The following MAN2A1 variants were observed in gnomAD, a reference collection of about 807,000 sequenced individuals.
The protein encoded by MAN2A1 is alpha-mannosidase 2.
In MAN2A1, 76 loss-of-function variants were observed where a neutral mutation model predicts 142.6. The ratio of observed to expected loss-of-function variants is 0.53; its 90% confidence interval spans 0.44 to 0.65. The LOEUF (loss-of-function observed/expected upper bound fraction) is 0.65, where lower values mean the gene tolerates loss of function less well. Ranked by LOEUF, MAN2A1 falls within the 30% of genes least tolerant of loss-of-function variation. The pLI is 0.00. For synonymous variants in MAN2A1, 559 were observed against 473.2 expected, an observed-to-expected ratio of 1.18 and a Z score of -2.35; for missense variants, 1,311 against 1,365.1, an observed-to-expected ratio of 0.96 and a Z score of 0.62.
intron 1 of MAN2A1, among the ~76,000 whole-genome samples, chr5:109,711,521 T>G (rs1261847056): frequency 6.6e-6 from 1 of 152,230 alleles, no homozygotes; most frequent in Non-Finnish European, 1.5e-5. Flanking sequence ...CCTTTCGTCT[T>G]TTCATGGAGA....
intron 12 of MAN2A1, among the ~76,000 whole-genome samples, chr5:109,794,872 T>A (rs897017742): frequency 5.3e-5 from 8 of 152,292 alleles, no homozygotes; most frequent in African/African-American, 1.9e-4. Flanking sequence ...CTCTGTTATG[T>A]GTTAACTCTG....
intron 12 of MAN2A1, among the ~76,000 whole-genome samples, chr5:109,802,285 G>A (rs1401823119): frequency 6.6e-6 from 1 of 152,092 alleles, no homozygotes; most frequent in Non-Finnish European, 1.5e-5. Context: ...TTTTAGGAAA[G>A]TACTGTGCAT....
intron 1 of MAN2A1, among the ~76,000 whole-genome samples, chr5:109,706,648 C>G (rs1314720127): frequency 6.6e-6 from 1 of 152,018 alleles, no homozygotes; most frequent in Non-Finnish European, 1.5e-5. Flanking sequence ...TAAAGGTAAT[C>G]TTTGCTCTTA....
At chr5:109,813,660 C>T (rs982606596) in intron 12 of MAN2A1, among the ~76,000 whole-genome samples, 2 of 152,204 alleles carry the variant, frequency 1.3e-5, no homozygotes, top group Admixed American at 6.5e-5. Context: ...TGTGTGCTCC[C>T]AGTCTGTTGT....
At chr5:109,711,482 G>A (rs1320360715) in intron 1 of MAN2A1, among the ~76,000 whole-genome samples, 7 of 152,160 alleles carry the variant, frequency 4.6e-5, no homozygotes, top group Admixed American at 3.9e-4. Context: ...GCTTCTTTGG[G>A]TTGAACTTTG....
chr5:109,714,006 C>T (rs1409620053), intron 2 of MAN2A1, among the ~76,000 whole-genome samples: 2 of 151,964 alleles, frequency 1.3e-5, no homozygotes, highest in Non-Finnish European at 2.9e-5. Flanking sequence ...TACGTGAATA[C>T]AGTCTTTTTG....
chr5:109,821,834 G>A (rs988903502), intron 15 of MAN2A1, among the ~76,000 whole-genome samples: 1 of 151,726 alleles, frequency 6.6e-6, no homozygotes, highest in Non-Finnish European at 1.5e-5. Context: ...TTTTCTTATT[G>A]TGTCATTTAG....
rs111683520 is a variant in MAN2A1 at position 109,781,862 on chromosome 5, G to A, written c.1577+264G>A. On this transcript the variant is annotated intron_variant, in intron 9 of 21. Transcript: ENST00000261483. Reference sequence around the variant, plus strand: ...TTTAAGGAGTTGTATTCTACATTTTGTATTTTTCTAATTAATTTACCTGTG... The same window carrying A: ...TTTAAGGAGTTGTATTCTACATTTTATATTTTTCTAATTAATTTACCTGTG... 8.8e-3 allele frequency among the ~76,000 whole-genome samples: 1,342 copies of A among 152,150 alleles called. 21 individuals carry two copies. The highest frequency in any genetic ancestry group is 0.029 in the African/African-American group (1,208 of 41,512).
intron 4 of MAN2A1, among the ~76,000 whole-genome samples, chr5:109,741,935 T>A (rs1752279490): frequency 1.3e-5 from 2 of 152,268 alleles, no homozygotes; most frequent in Non-Finnish European, 2.9e-5. Flanking sequence ...TATTGTTTTC[T>A]ATGCTTGTTT....
Position 109,774,776 on chromosome 5 carries a change from T to C in MAN2A1, c.1197-12T>C. ...CATATTTGCTGTTTTTTTGTGTTTGTTTTTTTTGTAGGGCTCGGATGCTAC... is the reference window on the plus strand; with the variant it reads ...CATATTTGCTGTTTTTTTGTGTTTGCTTTTTTTGTAGGGCTCGGATGCTAC... On this transcript the variant is annotated splice_polypyrimidine_tract_variant and intron_variant, in intron 7 of 21. Coordinates refer to ENST00000261483, the MANE Select transcript of MAN2A1 (RefSeq NM_002372.4). 1.9e-6 allele frequency: 3 copies of C among 1,577,396 alleles called. No individual in the cohort carries two copies. The highest frequency in any genetic ancestry group is 2.6e-6 in the Non-Finnish European group (3 of 1,164,966).
At chr5:109,742,549 A>T (rs546365192) in intron 4 of MAN2A1, among the ~76,000 whole-genome samples, 2 of 152,310 alleles carry the variant, frequency 1.3e-5, no homozygotes, top group South Asian at 4.1e-4. Context: ...TTACATTTTT[A>T]AATAAGAATC....
intron 16 of MAN2A1, among the ~76,000 whole-genome samples, chr5:109,838,059 TAA>T (rs59745040): frequency 4.2e-5 from 6 of 144,330 alleles, no homozygotes; most frequent in African/African-American, 7.6e-5. Context: ...GTAGGGAGAT[TAA>T]AAAAAAAAAA....
rs1751713272 is a variant in MAN2A1, at chr5:109,725,308, C to A, written c.536-4034C>A. Among the ~76,000 whole-genome samples the A allele has an allele frequency of 2.0e-5, 3 of 152,282 alleles. No individual in the cohort carries two copies. The South Asian group carries it at 6.2e-4, about 32-fold the overall frequency. On this transcript the variant is annotated intron_variant, in intron 3 of 21. Coordinates refer to ENST00000261483, the MANE Select transcript of MAN2A1 (RefSeq NM_002372.4). ...TGGTGGTGTGTATGGGGAGAGCCAG[C>A]CTGTGGGGCAGGCCAGCTGCCTTCT...
intron 1 of MAN2A1, among the ~76,000 whole-genome samples, chr5:109,708,483 G>A (rs1299232378): frequency 7.8e-6 from 1 of 128,928 alleles, no homozygotes; most frequent in Non-Finnish European, 1.6e-5. Context: ...TTTATTCAGG[G>A]TTCTCCAGAA....
chr5:109,819,831 A>G lies in MAN2A1; in HGVS notation c.2272A>G (p.Ile758Val), dbSNP rs758644789. 2.2e-5 allele frequency: 35 copies of G among 1,611,376 alleles called. No individual in the cohort carries two copies. The highest frequency in any genetic ancestry group is 2.4e-5 in the Non-Finnish European group (28 of 1,178,758). The change falls in exon 14 of 22, where the codon ATA becomes GTA. Residue 758 changes from isoleucine (I) to valine (V), a missense_variant. This residue lies in a region of MAN2A1 where 890 missense variants were observed against 920.5 expected (regional missense o/e 0.97). Coordinates refer to ENST00000261483, the MANE Select transcript of MAN2A1 (RefSeq NM_002372.4). ...IKNMINTEEGITLENSFVLLR... is the reference protein window; with the variant it reads ...IKNMINTEEGVTLENSFVLLR... Reference sequence around the variant, plus strand: ...GAATATGATAAATACTGAAGAAGGTATAACACTAGAGAACTCCTTTGTTTT... The same window carrying G: ...GAATATGATAAATACTGAAGAAGGTGTAACACTAGAGAACTCCTTTGTTTT...
chr5:109,862,843 T>A (rs1385450526), intron 20 of MAN2A1: 1 of 152,220 alleles, frequency 6.6e-6, no homozygotes, highest in Non-Finnish European at 1.5e-5. Flanking sequence ...TCAGTTCGTT[T>A]TTACAAAAGT....
At chr5:109,702,326 T>A (rs1252109674) in intron 1 of MAN2A1, among the ~76,000 whole-genome samples, 1 of 151,292 alleles carries the variant, frequency 6.6e-6, no homozygotes, top group Non-Finnish European at 1.5e-5. Flanking sequence ...TGTGTGTGTG[T>A]GTGTGTGTGT....
intron 8 of MAN2A1, among the ~76,000 whole-genome samples, chr5:109,779,709 AT>A (rs1294819663): frequency 6.6e-6 from 1 of 152,164 alleles, no homozygotes; most frequent in Non-Finnish European, 1.5e-5. Flanking sequence ...TTATTTAGTT[AT>A]CTGAACATTT....
At chr5:109,719,481 A>G (rs1399857740) in intron 3 of MAN2A1, among the ~76,000 whole-genome samples, 1 of 152,216 alleles carries the variant, frequency 6.6e-6, no homozygotes, top group Non-Finnish European at 1.5e-5. Flanking sequence ...GTGTGTTCAC[A>G]TACACTGCAA....
Sources: allele counts gnomAD v4.1 joint callset (sites outside exome capture counted in the v4.1 genomes callset), GRCh38; gene constraint gnomAD v4.1.1; regional missense constraint gnomAD v4.1.1; transcripts MANE v1.5; gene names NCBI Gene and HGNC (gene_info 2026-07-23, HGNC 2026-07-21).